Variants in SCRG1 observed in about 807,000 individuals in gnomAD.
The protein encoded by SCRG1 is stimulator of chondrogenesis 1, also known as scrapie-responsive protein 1.
In SCRG1, 3 loss-of-function variants were observed where a neutral mutation model predicts 7.7. That is an observed-to-expected ratio of 0.39 (90% CI 0.18 to 1.01). The LOEUF is 1.01. Among genes scored for constraint, SCRG1 ranks in the 50% least tolerant of loss-of-function variants. SCRG1 has a pLI of 0.36. For missense variants in SCRG1, 110 were observed against 117.2 expected (o/e 0.94, Z 0.28); for synonymous variants, 46 against 41.2 (o/e 1.12, Z -0.44).
the SCRG1 span, among the ~76,000 whole-genome samples, chr4:173,491,636 C>T: frequency 6.6e-6 from 1 of 152,194 alleles, no homozygotes; most frequent in Non-Finnish European, 1.5e-5. Context: ...GGGGTTTAGA[C>T]AGCAAGGTGG....
chr4:173,430,278 C>T, the SCRG1 span, among the ~76,000 whole-genome samples: 3 of 152,150 alleles, frequency 2.0e-5, no homozygotes, highest in Non-Finnish European at 4.4e-5. Context: ...CTAGGCTGCT[C>T]TCACTCAGGT....
intron 1 of SCRG1, among the ~76,000 whole-genome samples, chr4:173,393,666 T>C (rs989423961): frequency 2.6e-5 from 4 of 151,502 alleles, no homozygotes; most frequent in African/African-American, 9.7e-5. Context: ...GTCCACTCTT[T>C]CTTTGTTGAT....
the SCRG1 span, among the ~76,000 whole-genome samples, chr4:173,438,919 C>T: frequency 5.3e-5 from 8 of 152,126 alleles, no homozygotes; most frequent in Admixed American, 4.6e-4. Flanking sequence ...CTGGGTTCCT[C>T]TTCTTCCTGG....
the SCRG1 span, among the ~76,000 whole-genome samples, chr4:173,427,570 A>G: frequency 6.6e-6 from 1 of 152,198 alleles, no homozygotes; most frequent in Non-Finnish European, 1.5e-5. Context: ...CACATAGCCT[A>G]TGGGAAGAGG....
upstream of SCRG1, chr4:173,404,098 A>G (rs988514890): frequency 3.3e-5 from 5 of 152,366 alleles, no homozygotes; most frequent in East Asian, 9.6e-4. Flanking sequence ...AGATGGGGGA[A>G]CTGGGGTTCA....
chr4:173,479,423 T>G, the SCRG1 span, among the ~76,000 whole-genome samples: 1 of 151,104 alleles, frequency 6.6e-6, no homozygotes, highest in Admixed American at 6.6e-5. Flanking sequence ...AACCTGTTTT[T>G]TTTGTTTGTT....
chr4:173,443,946 TG>T, the SCRG1 span, among the ~76,000 whole-genome samples: 29 of 27,694 alleles, frequency 1.0e-3, no homozygotes, highest in African/African-American at 2.0e-3. Context: ...GCTTGTTTTG[TG>T]TGTGTGTGTG....
the SCRG1 span, among the ~76,000 whole-genome samples, chr4:173,501,281 A>G: frequency 6.6e-6 from 1 of 152,210 alleles, no homozygotes; most frequent in African/African-American, 2.4e-5. This position sits in a 1 kb window ranked among gnomAD's most constrained non-coding sequence, Gnocchi z 5.1. Context: ...ACCGTGGCCG[A>G]TAATGACGTC....
chr4:173,505,289 A>G, the SCRG1 span, among the ~76,000 whole-genome samples: 1 of 152,148 alleles, frequency 6.6e-6, no homozygotes, highest in African/African-American at 2.4e-5. The surrounding 1 kb of genome is among the most constrained non-coding windows in gnomAD (Gnocchi z 4.4). Flanking sequence ...ACAACAATTT[A>G]TCCTCAATGC....
the SCRG1 span, among the ~76,000 whole-genome samples, chr4:173,476,359 A>ATATATATATATATATATATAT: frequency 7.0e-4 from 17 of 24,270 alleles, no homozygotes; most frequent in East Asian, 6.7e-3. Context: ...AGGGGGAAAA[A>ATATATATATATATATATATAT]AAAAATATAT....
the SCRG1 span, among the ~76,000 whole-genome samples, chr4:173,490,940 GC>G: frequency 6.6e-6 from 1 of 152,128 alleles, no homozygotes; most frequent in Non-Finnish European, 1.5e-5. Context: ...TCCTCTCCCT[GC>G]CCTGGGATGT....
the SCRG1 span, among the ~76,000 whole-genome samples, chr4:173,501,813 A>G: frequency 1.3e-5 from 2 of 152,244 alleles, no homozygotes; most frequent in Admixed American, 1.3e-4. The surrounding 1 kb of genome is among the most constrained non-coding windows in gnomAD (Gnocchi z 5.1). Context: ...GTGAGGCGGA[A>G]ATGAACTGGA....
chr4:173,446,432 G>A, the SCRG1 span, among the ~76,000 whole-genome samples: 2 of 151,956 alleles, frequency 1.3e-5, no homozygotes, highest in Non-Finnish European at 2.9e-5. Context: ...AATGAAGAAT[G>A]GTCTTGAAAG....
the SCRG1 span, chr4:173,419,461 G>T: frequency 1.1e-6 from 1 of 912,540 alleles, no homozygotes; most frequent in Non-Finnish European, 1.7e-6. Context: ...TGTTCTTTGT[G>T]TATTGAGAGA....
the SCRG1 span, among the ~76,000 whole-genome samples, chr4:173,453,883 C>G: frequency 6.6e-6 from 1 of 152,052 alleles, no homozygotes; most frequent in Non-Finnish European, 1.5e-5. Flanking sequence ...TCGAGACCAG[C>G]CTGGCCAACA....
chr4:173,441,866 A>T, the SCRG1 span, among the ~76,000 whole-genome samples: 1 of 152,170 alleles, frequency 6.6e-6, no homozygotes, highest in Admixed American at 6.5e-5. Context: ...GCAATACAGC[A>T]AGACCCTGTC....
chr4:173,427,223 A>G, the SCRG1 span, among the ~76,000 whole-genome samples: 1 of 152,144 alleles, frequency 6.6e-6, no homozygotes, highest in Non-Finnish European at 1.5e-5. Context: ...CTGGCACATC[A>G]CTGGTATGTA....
At chr4:173,496,641 T>A in the SCRG1 span, among the ~76,000 whole-genome samples, 12,279 of 152,274 alleles carry the variant, frequency 0.081, 598 homozygotes, top group Non-Finnish European at 0.1. Context: ...TAATAGTATT[T>A]GCAAACAGGC....
At chr4:173,504,396 C>T in the SCRG1 span, among the ~76,000 whole-genome samples, 7 of 152,292 alleles carry the variant, frequency 4.6e-5, no homozygotes, top group South Asian at 6.2e-4. This position sits in a 1 kb window ranked among gnomAD's most constrained non-coding sequence, Gnocchi z 4.7. Context: ...TCGTCACCAC[C>T]GCTGCCTCCA....
Sources: allele counts gnomAD v4.1 joint callset (sites outside exome capture counted in the v4.1 genomes callset), GRCh38; gene constraint gnomAD v4.1.1; non-coding constraint Gnocchi (gnomAD v3.1); transcripts MANE v1.5; gene names NCBI Gene and HGNC (gene_info 2026-07-23, HGNC 2026-07-21).